Variants in RBFOX1 observed in about 807,000 individuals in gnomAD.
The protein encoded by RBFOX1 is RNA binding protein fox-1 homolog 1.
A neutral mutation model predicts 57.7 loss-of-function variants in RBFOX1; 8 were observed. The ratio of observed to expected loss-of-function variants is 0.14; its 90% confidence interval spans 0.08 to 0.25. The LOEUF is 0.25. Ranked by LOEUF, RBFOX1 falls within the 10% of genes least tolerant of loss-of-function variation. The pLI, the probability that RBFOX1 is intolerant of heterozygous loss-of-function variation, is 1.00. For missense variants in RBFOX1, 611 were observed against 548.5 expected (o/e 1.11, Z -1.14); for synonymous variants, 326 against 222.4 (o/e 1.47, Z -4.15).
intron 1 of RBFOX1, among the ~76,000 whole-genome samples, chr16:5,435,484 T>C (rs2067887977): frequency 6.6e-6 from 1 of 152,170 alleles, no homozygotes. Context: ...AACAGCCCAC[T>C]ACGATCCCTG....
intron 2 of RBFOX1, among the ~76,000 whole-genome samples, chr16:5,501,782 C>T (rs114916422): frequency 0.014 from 2,081 of 152,242 alleles, 51 homozygotes; most frequent in African/African-American, 0.047. Context: ...GGTGCGGTCA[C>T]AGCTCCCTGC....
chr16:5,864,107 A>G (rs1214322391), intron 3 of RBFOX1, among the ~76,000 whole-genome samples: 3 of 151,968 alleles, frequency 2.0e-5, no homozygotes, highest in South Asian at 4.2e-4. Context: ...CTATGTGTCC[A>G]TGTGCTCTCA....
chr16:5,445,664 C>T (rs1192871956), intron 1 of RBFOX1, among the ~76,000 whole-genome samples: 1 of 152,182 alleles, frequency 6.6e-6, no homozygotes, highest in Non-Finnish European at 1.5e-5. Context: ...TCATCTGAGT[C>T]ACTCTGGTGG....
intron 3 of RBFOX1, among the ~76,000 whole-genome samples, chr16:6,664,383 C>T (rs1002756527): frequency 6.6e-6 from 1 of 152,198 alleles, no homozygotes; most frequent in African/African-American, 2.4e-5. Flanking sequence ...CACCTCACCC[C>T]TGGTCCTACT....
chr16:7,159,514 C>T (rs572919266), intron 4 of RBFOX1, among the ~76,000 whole-genome samples: 4 of 152,320 alleles, frequency 2.6e-5, no homozygotes, highest in Admixed American at 2.0e-4. Context: ...AAATCACGCT[C>T]CATGCGCTAG....
At chr16:6,543,407 C>G (rs1413398783) in intron 2 of RBFOX1, among the ~76,000 whole-genome samples, 2 of 152,090 alleles carry the variant, frequency 1.3e-5, no homozygotes, top group Non-Finnish European at 2.9e-5. Flanking sequence ...CTCTGCGCAC[C>G]TTTATTGGGT....
chr16:5,304,346 G>C (rs1596463896), intron 1 of RBFOX1, among the ~76,000 whole-genome samples: 3 of 152,322 alleles, frequency 2.0e-5, no homozygotes, highest in African/African-American at 7.2e-5. Flanking sequence ...TCCTGTAGAA[G>C]GGTGTTCTAT....
At chr16:7,495,899 G>C (rs2068481055) in intron 4 of RBFOX1, among the ~76,000 whole-genome samples, 1 of 61,558 alleles carries the variant, frequency 1.6e-5, no homozygotes, top group Non-Finnish European at 3.6e-5. Context: ...AAAGATACTA[G>C]ACTATTTTTT....
intron 2 of RBFOX1, among the ~76,000 whole-genome samples, chr16:6,506,117 A>C (rs1028215603): frequency 5.9e-5 from 9 of 152,346 alleles, no homozygotes; most frequent in Middle Eastern, 3.4e-3. Context: ...AGAAAGTGGC[A>C]CTGAGCTGAG....
At chr16:6,669,538 C>G (rs572212325) in intron 3 of RBFOX1, among the ~76,000 whole-genome samples, 1 of 152,096 alleles carries the variant, frequency 6.6e-6, no homozygotes, top group African/African-American at 2.4e-5. Context: ...TTAAGATATA[C>G]AGCTTGACGT....
chr16:6,515,768 T>G (rs575312240), intron 2 of RBFOX1, among the ~76,000 whole-genome samples: 1 of 152,276 alleles, frequency 6.6e-6, no homozygotes, highest in African/African-American at 2.4e-5. Flanking sequence ...TAAACATACT[T>G]GCACCTGCTG....
At chr16:6,383,966 T>G (rs955212684) in intron 2 of RBFOX1, among the ~76,000 whole-genome samples, 2 of 151,868 alleles carry the variant, frequency 1.3e-5, no homozygotes, top group African/African-American at 2.4e-5. Context: ...GAACAATTTC[T>G]CCTTCTCTGC....
At chr16:6,913,996 A>T (rs980599054) in intron 3 of RBFOX1, among the ~76,000 whole-genome samples, 3 of 152,202 alleles carry the variant, frequency 2.0e-5, no homozygotes, top group African/African-American at 7.2e-5. Context: ...GCACTTGATG[A>T]GAATGTTCTA....
intron 4 of RBFOX1, among the ~76,000 whole-genome samples, chr16:7,307,978 C>G (rs139320749): frequency 7.4e-4 from 113 of 152,272 alleles, no homozygotes; most frequent in Admixed American, 3.6e-3. Flanking sequence ...CTTCCACGTT[C>G]CAAAGTAAGT....
chr16:7,109,203 G>T (rs779494927), intron 4 of RBFOX1, among the ~76,000 whole-genome samples: 18 of 152,092 alleles, frequency 1.2e-4, no homozygotes, highest in Non-Finnish European at 2.5e-4. Context: ...GATAAAACAA[G>T]TATAAAGGAT....
intron 3 of RBFOX1, among the ~76,000 whole-genome samples, chr16:5,611,779 C>CATAT: frequency 8.5e-6 from 1 of 117,902 alleles, no homozygotes; most frequent in East Asian, 4.8e-4. Flanking sequence ...CCCATCCATC[C>CATAT]ATCCATCCAT....
At chr16:6,843,957 G>C (rs577772678) in intron 3 of RBFOX1, among the ~76,000 whole-genome samples, 1 of 152,254 alleles carries the variant, frequency 6.6e-6, no homozygotes, top group Non-Finnish European at 1.5e-5. Flanking sequence ...CACAAGGCTT[G>C]CTTGGATCGT....
chr16:5,320,625 T>A (rs2064376117), intron 1 of RBFOX1, among the ~76,000 whole-genome samples: 6 of 152,242 alleles, frequency 3.9e-5, no homozygotes. Flanking sequence ...ATGCTTTTGT[T>A]CTGAATCTCA....
intron 7 of RBFOX1, among the ~76,000 whole-genome samples, chr16:7,594,617 T>G (rs960131494): frequency 9.2e-5 from 14 of 152,208 alleles, no homozygotes; most frequent in African/African-American, 3.4e-4. Context: ...AATGTACCTG[T>G]GGTAAATTAA....
Sources: allele counts gnomAD v4.1 joint callset (sites outside exome capture counted in the v4.1 genomes callset), GRCh38; gene constraint gnomAD v4.1.1; transcripts MANE v1.5; gene names NCBI Gene and HGNC (gene_info 2026-07-23, HGNC 2026-07-21).